SANBR: variants seen among roughly 807,000 people sequenced by gnomAD.
The protein encoded by SANBR is SANT and BTB domain regulator of class switch recombination.
SANBR carries 77 observed loss-of-function variants against 101.8 expected under a neutral mutation model. That is an observed-to-expected ratio of 0.76 (90% CI 0.63 to 0.91). The LOEUF (loss-of-function observed/expected upper bound fraction) is 0.91, where lower values mean the gene tolerates loss of function less well. Ranked by LOEUF, SANBR falls within the 40% of genes least tolerant of loss-of-function variation. The probability of loss-of-function intolerance (pLI) is 0.00; values close to 1 mark genes in which losing one functional copy is unlikely to be tolerated. For missense variants in SANBR, 875 were observed against 853.0 expected (o/e 1.03, Z -0.32); for synonymous variants, 279 against 274.7 (o/e 1.02, Z -0.15).
intron 6 of SANBR, among the ~76,000 whole-genome samples, chr2:61,078,426 A>G (rs1056905607): frequency 2.0e-5 from 3 of 150,922 alleles, no homozygotes; most frequent in African/African-American, 7.3e-5. Flanking sequence ...GCTACTCTTT[A>G]CTCTTTTTTT....
chr2:61,121,084 C>A (rs1454336590), intron 20 of SANBR, 101 bp from the exon 21 acceptor site: 7 of 863,546 alleles, frequency 8.1e-6, no homozygotes, highest in Non-Finnish European at 1.1e-5. Context: ...TTTAAAAAAT[C>A]AAAATAAAAT....
intron 13 of SANBR, among the ~76,000 whole-genome samples, chr2:61,105,912 C>T (rs780832306): frequency 2.6e-5 from 4 of 152,090 alleles, no homozygotes; most frequent in South Asian, 2.1e-4. Flanking sequence ...CCTCGTGATC[C>T]GCCCGCCTCG....
Position 61,066,858 on chromosome 2 carries a change from G to A in SANBR, c.-147+831G>A, listed in dbSNP as rs114763768. 2.8e-3 allele frequency among the ~76,000 whole-genome samples: 425 copies of A among 152,290 alleles called. 1 individual carries two copies. The highest frequency in any genetic ancestry group is 9.9e-3 in the African/African-American group (411 of 41,558). ...CAAGAGAAGGGGGTCGGGGAGGGGAGGGGAAGTATGTTCTTAAAAAATGAA... is the reference window on the plus strand; with the variant it reads ...CAAGAGAAGGGGGTCGGGGAGGGGAAGGGAAGTATGTTCTTAAAAAATGAA... On this transcript the variant is annotated intron_variant, in intron 1 of 21. Transcript: ENST00000402291.
At chr2:61,101,418 T>C (rs564545956) in intron 12 of SANBR, among the ~76,000 whole-genome samples, 1 of 152,346 alleles carries the variant, frequency 6.6e-6, no homozygotes, top group Admixed American at 6.5e-5. Flanking sequence ...GAGCAAAATA[T>C]ATTTCTTTGT....
chr2:61,091,487 G>C (rs762272472), intron 10 of SANBR, among the ~76,000 whole-genome samples: 1 of 151,870 alleles, frequency 6.6e-6, no homozygotes, highest in African/African-American at 2.4e-5. Flanking sequence ...CCAGCTCCTC[G>C]GGAGGCTGAG....
rs1024382984 is a variant in SANBR at position 61,091,876 on chromosome 2, C to G, written c.1089-588C>G. 3.9e-5 allele frequency among the ~76,000 whole-genome samples: 6 copies of G among 152,104 alleles called. No homozygotes were observed. In the East Asian group the frequency reaches 1.2e-3, roughly 29 times the overall value. On this transcript the variant is annotated intron_variant, in intron 10 of 21. Transcript: ENST00000402291. Reference sequence around the variant, plus strand: ...ACTTTATATTATTTAATCTAAAAATCTATATTACCAAGACCTGATTGTATA... The same window carrying G: ...ACTTTATATTATTTAATCTAAAAATGTATATTACCAAGACCTGATTGTATA...
chr2:61,094,258 CT>C (rs1288903946), intron 11 of SANBR: 1 of 162,322 alleles, frequency 6.2e-6, no homozygotes, highest in Non-Finnish European at 1.3e-5. Flanking sequence ...AAAGAAATTT[CT>C]TTGTGCCGCT....
rs1684424792 is a variant in SANBR, at chr2:61,123,720, A to C, written c.*1558A>C. 2.0e-6 allele frequency: 2 copies of C among 985,424 alleles called. No homozygotes were observed. Among genetic ancestry groups the C allele is most frequent in the Non-Finnish European group, 2.4e-6 (2 of 829,878 alleles). 61.0% of individuals were successfully genotyped at this position (985,424 alleles called of 1,614,324 possible). ...GATTTTTAACTGATGGTAAAAAGGC[A>C]AACTGCTTCTCCCCTGGGAGGCCTA... On this transcript the variant is annotated 3_prime_UTR_variant, in exon 22 of 22. Coordinates refer to ENST00000402291, the MANE Select transcript of SANBR (RefSeq NM_001129993.3).
At chr2:61,109,005 T>C (rs1683695791) in intron 15 of SANBR, among the ~76,000 whole-genome samples, 192 bp from the exon 16 acceptor site, 1 of 152,200 alleles carries the variant, frequency 6.6e-6, no homozygotes, top group Non-Finnish European at 1.5e-5. Flanking sequence ...TTAAAAAATA[T>C]ATGAAGTAAT....
chr2:61,110,679 A>G (rs1473281603), intron 16 of SANBR, among the ~76,000 whole-genome samples: 1 of 145,094 alleles, frequency 6.9e-6, no homozygotes, highest in East Asian at 2.0e-4. Flanking sequence ...ACTCTGTCTC[A>G]AAAAAAAAAA....
chr2:61,114,770 C>T (rs1362011412), intron 16 of SANBR, among the ~76,000 whole-genome samples: 1 of 152,166 alleles, frequency 6.6e-6, no homozygotes, highest in Non-Finnish European at 1.5e-5. Flanking sequence ...GTTCTCCCAC[C>T]CAAGCCTCCT....
intron 12 of SANBR, 92 bp downstream of exon 12, chr2:61,097,944 A>C: frequency 9.6e-7 from 1 of 1,036,758 alleles, no homozygotes; most frequent in Non-Finnish European, 1.4e-6. Context: ...ATACATAAAT[A>C]TAGTAAGAAG....
chr2:61,127,781 G>A (rs1001944592), downstream of SANBR, among the ~76,000 whole-genome samples: 1 of 152,122 alleles, frequency 6.6e-6, no homozygotes, highest in African/African-American at 2.4e-5. Flanking sequence ...GTTCCAAAAG[G>A]AGAGGAGAGA....
chr2:61,098,075 A>T (rs999176917), intron 12 of SANBR, among the ~76,000 whole-genome samples: 47 of 144,926 alleles, frequency 3.2e-4, no homozygotes, highest in African/African-American at 4.9e-4. Flanking sequence ...ATATATATAT[A>T]TATTTTTTGG....
chr2:61,080,293 T>C (rs1321975234), intron 6 of SANBR, among the ~76,000 whole-genome samples: 1 of 152,154 alleles, frequency 6.6e-6, no homozygotes, highest in African/African-American at 2.4e-5. Context: ...AAAAAGTCTT[T>C]ATTCTAACCA....
intron 10 of SANBR, among the ~76,000 whole-genome samples, chr2:61,090,034 A>G (rs1682658994): frequency 1.3e-5 from 2 of 151,894 alleles, no homozygotes; most frequent in Non-Finnish European, 2.9e-5. Context: ...GAGCATGGCA[A>G]TCCTAGCTAG....
At chr2:61,076,461 C>CAAAAAAAAA (rs11308796) in intron 5 of SANBR, among the ~76,000 whole-genome samples, 1 of 121,556 alleles carries the variant, frequency 8.2e-6, no homozygotes, top group Non-Finnish European at 1.8e-5. Flanking sequence ...ACTAAAAATA[C>CAAAAAAAAA]AAAAAAAAAA....
At chr2:61,107,763 G>A (rs1326225384) in intron 14 of SANBR, among the ~76,000 whole-genome samples, 1 of 152,052 alleles carries the variant, frequency 6.6e-6, no homozygotes, top group Non-Finnish European at 1.5e-5. Context: ...GCATGTGCCT[G>A]TAATCCCAGC....
At chr2:61,081,091 CAA>C (rs996351486) in intron 6 of SANBR, among the ~76,000 whole-genome samples, 9 of 152,108 alleles carry the variant, frequency 5.9e-5, no homozygotes, top group Admixed American at 5.2e-4. Flanking sequence ...TTTCTAATAA[CAA>C]ATGCTCTCAT....
Sources: gnomAD v4.1 joint callset for allele counts (sites outside exome capture counted in the v4.1 genomes callset) on GRCh38, gnomAD v4.1.1 for gene constraint, MANE v1.5 for transcripts, NCBI Gene and HGNC (gene_info 2026-07-23, HGNC 2026-07-21) for gene names.